The following CSMD2 variants were observed in gnomAD, a reference collection of about 807,000 sequenced individuals.
The protein encoded by CSMD2 is CUB and sushi domain-containing protein 2.
Under a neutral mutation model 398.5 loss-of-function variants are expected in CSMD2, and 130 were observed. The observed-to-expected ratio is 0.33, with a 90% confidence interval of 0.28 to 0.38. The LOEUF (loss-of-function observed/expected upper bound fraction) is 0.38, where lower values mean the gene tolerates loss of function less well. Among genes scored for constraint, CSMD2 ranks in the 10% least tolerant of loss-of-function variants. CSMD2 has a pLI of 1.00. For synonymous variants in CSMD2, 1,828 were observed against 1,908.5 expected (o/e 0.96, Z 1.10); for missense variants, 3,829 against 4,764.9 (o/e 0.80, Z 5.78).
At chr1:34,056,155 C>T (rs1037244418) in intron 2 of CSMD2, among the ~76,000 whole-genome samples, 1 of 152,242 alleles carries the variant, frequency 6.6e-6, no homozygotes, top group African/African-American at 2.4e-5. Context: ...ATTCTTCCTA[C>T]TCCATTTATC....
intron 25 of CSMD2, among the ~76,000 whole-genome samples, chr1:33,670,845 C>A (rs914921365): frequency 6.6e-6 from 1 of 152,178 alleles, no homozygotes; most frequent in South Asian, 2.1e-4. Context: ...AAGGTATGTA[C>A]GGAGAAGCCC....
At position 33,935,855 on chromosome 1, in the gene CSMD2, T is replaced by C; in HGVS notation, c.617A>G (p.Asn206Ser). ...NLGDKVRYSCNLGFFLEGHAV... is the reference protein window; with the variant it reads ...NLGDKVRYSCSLGFFLEGHAV... The stretch of plus-strand genomic sequence containing the variant: ...GTGGCCCTCCAGGAAGAAGCCAAGG[T>C]TGCAGCTGTAGCGGACCTTGTCACC... Residue 206 changes from asparagine to serine, a missense_variant, in exon 4 of 71, where the codon AAC becomes AGC. By Grantham distance (46) the Asn-to-Ser change is conservative. This residue lies in a region of CSMD2 where 2,001 missense variants were observed against 2,567.1 expected (regional missense o/e 0.78). Coordinates refer to ENST00000373381, the MANE Select transcript of CSMD2 (RefSeq NM_001281956.2). 1 of 1,614,190 alleles carries C rather than the reference T, an allele frequency of 6.2e-7. No homozygotes were observed. Among genetic ancestry groups the C allele is most frequent in the Non-Finnish European group, 8.5e-7 (1 of 1,180,016 alleles).
At chr1:33,918,016 AC>A in intron 5 of CSMD2, 77 bp downstream of exon 5, 1 of 1,352,334 alleles carries the variant, frequency 7.4e-7, no homozygotes, top group Non-Finnish European at 1.0e-6. Context: ...AGGTCCAGGC[AC>A]TGAGGAGACT....
rs144919352 is a variant in CSMD2 at position 33,652,745 on chromosome 1, T to A, written c.4448-284A>T. ...TTATGTTAGGTGCATTTCACCTCAA[T>A]AAATTATTATTATTATTTTTTGAGA... On this transcript the variant is annotated intron_variant, in intron 27 of 70. Coordinates refer to ENST00000373381, the MANE Select transcript of CSMD2 (RefSeq NM_001281956.2). Among the ~76,000 whole-genome samples, 145 of 152,310 alleles carry A rather than the reference T, an allele frequency of 9.5e-4. 2 individuals are homozygous for A. The highest frequency in any genetic ancestry group is 1.4e-3 in the Non-Finnish European group (97 of 68,026).
At chr1:33,996,652 T>C (rs1570756106) in intron 3 of CSMD2, among the ~76,000 whole-genome samples, 1 of 152,134 alleles carries the variant, frequency 6.6e-6, no homozygotes, top group Admixed American at 6.5e-5. Flanking sequence ...TCTGGACTTG[T>C]GTGCCTCTCC....
At chr1:33,791,361 G>A (rs1654290251) in intron 11 of CSMD2, among the ~76,000 whole-genome samples, 1 of 152,226 alleles carries the variant, frequency 6.6e-6, no homozygotes, top group East Asian at 1.9e-4. Context: ...CCATCCCAGT[G>A]CCTGGGAGCA....
intron 5 of CSMD2, among the ~76,000 whole-genome samples, chr1:33,897,850 T>A (rs1285199074): frequency 6.6e-6 from 1 of 152,210 alleles, no homozygotes; most frequent in African/African-American, 2.4e-5. Flanking sequence ...CCACAAATGT[T>A]ATCTCCCTCA....
intron 5 of CSMD2, chr1:33,873,645 G>A (rs1298617992): frequency 6.6e-6 from 1 of 152,146 alleles, no homozygotes; most frequent in Non-Finnish European, 1.5e-5. Context: ...GAAGAAACTT[G>A]GAAGCTTGTC....
In CSMD2 at chr1:33,749,285, G is replaced by C. The variant is rs567571508; in HGVS notation, c.1847-5679C>G. Among the ~76,000 whole-genome samples the C allele has an allele frequency of 2.4e-4, 36 of 151,886 alleles. No individual in the cohort carries two copies. The South Asian group carries it at 7.5e-3, about 32-fold the overall frequency. On this transcript the variant is annotated intron_variant, in intron 13 of 70. Coordinates refer to ENST00000373381, the MANE Select transcript of CSMD2 (RefSeq NM_001281956.2). ...GGCTAATTTTTTTGTATTTTTAGTA[G>C]AGACAGGGTTTCGCCGTGTTAGCCA...
chr1:33,723,703 T>A (rs904681533), intron 19 of CSMD2, among the ~76,000 whole-genome samples: 1 of 152,012 alleles, frequency 6.6e-6, no homozygotes, highest in Non-Finnish European at 1.5e-5. Context: ...GAAGGGTGAA[T>A]GTGAAGAAGA....
At chr1:33,568,191 T>TTTC (rs1241153713) in intron 52 of CSMD2, among the ~76,000 whole-genome samples, 1 of 148,658 alleles carries the variant, frequency 6.7e-6, no homozygotes, top group African/African-American at 2.5e-5. Flanking sequence ...AGGAGCATCT[T>TTTC]TTTTTTTTTT....
intron 3 of CSMD2, among the ~76,000 whole-genome samples, chr1:34,018,096 C>T (rs1227132925): frequency 3.3e-5 from 5 of 152,176 alleles, no homozygotes; most frequent in Non-Finnish European, 7.4e-5. Context: ...TTTTTTATTT[C>T]CATCCAGTCC....
intron 1 of CSMD2, among the ~76,000 whole-genome samples, chr1:34,161,321 G>A (rs1006444746): frequency 1.3e-5 from 2 of 152,238 alleles, no homozygotes; most frequent in African/African-American, 4.8e-5. Context: ...TGAATTTCAG[G>A]AGAGATGTCT....
intron 11 of CSMD2, among the ~76,000 whole-genome samples, chr1:33,790,203 G>A (rs1391690700): frequency 6.6e-6 from 1 of 152,142 alleles, no homozygotes; most frequent in Non-Finnish European, 1.5e-5. Context: ...GTGTGATGGT[G>A]AATTTTATGT....
At chr1:33,646,987 G>A (rs925551455) in intron 28 of CSMD2, 152 bp from the exon 29 acceptor site, 4 of 712,434 alleles carry the variant, frequency 5.6e-6, no homozygotes, top group Non-Finnish European at 6.9e-6. Flanking sequence ...GGTGGGAAGG[G>A]AGAAGATGAG....
At position 33,521,564 on chromosome 1, in the gene CSMD2, G is replaced by A; in HGVS notation, c.10510-14C>T. ...CTCTGACGAGACCTGTGATGGTGGG[G>A]AGCACAGAGAGCAGGTGGGAGGCTG... is the stretch of plus-strand genomic sequence containing the variant. On this transcript the variant is annotated splice_polypyrimidine_tract_variant and intron_variant, in intron 67 of 70. Coordinates refer to ENST00000373381, the MANE Select transcript of CSMD2 (RefSeq NM_001281956.2). The A allele has an allele frequency of 1.3e-6, 2 of 1,524,022 alleles. No homozygotes were observed. The highest frequency in any genetic ancestry group is 2.2e-5 in the South Asian group (2 of 89,348). 94.4% of individuals were successfully genotyped at this position (1,524,022 alleles called of 1,614,324 possible). A position where few individuals can be genotyped will look rare whatever the true frequency, so the allele number is the denominator to read the frequency against.
chr1:34,099,567 A>G (rs1659745681), intron 1 of CSMD2, among the ~76,000 whole-genome samples: 1 of 152,194 alleles, frequency 6.6e-6, no homozygotes, highest in Non-Finnish European at 1.5e-5. Flanking sequence ...TGCTATAGAG[A>G]AAGAAGTGAA....
intron 5 of CSMD2, among the ~76,000 whole-genome samples, chr1:33,908,288 G>C (rs1271641444): frequency 1.3e-5 from 2 of 152,152 alleles, no homozygotes; most frequent in African/African-American, 2.4e-5. Context: ...ACAGAGACCA[G>C]GAGGGGGCCT....
At chr1:33,729,257 A>T (rs1557802849) in intron 15 of CSMD2, among the ~76,000 whole-genome samples, 1 of 152,114 alleles carries the variant, frequency 6.6e-6, no homozygotes, top group Non-Finnish European at 1.5e-5. Context: ...AGGGAAATTC[A>T]ATCCCTTCCT....
Sources: gnomAD v4.1 joint callset for allele counts (sites outside exome capture counted in the v4.1 genomes callset) on GRCh38, gnomAD v4.1.1 for gene constraint, gnomAD v4.1.1 regional missense constraint, MANE v1.5 for transcripts, NCBI Gene and HGNC (gene_info 2026-07-23, HGNC 2026-07-21) for gene names.